The following FAM228B variants were observed in gnomAD, a reference collection of about 807,000 sequenced individuals.
FAM228B encodes the protein protein FAM228B.
Under a neutral mutation model 42.6 loss-of-function variants are expected in FAM228B, and 38 were observed. The observed-to-expected ratio is 0.89, with a 90% CI of 0.69 to 1.17. FAM228B has a LOEUF of 1.17. Ranked by LOEUF, FAM228B falls within the 50% of genes most tolerant of loss-of-function variation. The pLI is 0.00. For synonymous variants in FAM228B, 109 were observed against 122.3 expected (o/e 0.89, Z 0.72); for missense variants, 344 against 367.3 (o/e 0.94, Z 0.52).
upstream of FAM228B, chr2:24,122,407 G>A (rs766728615): frequency 1.3e-6 from 2 of 1,581,250 alleles, no homozygotes; most frequent in Non-Finnish European, 8.7e-7. Context: ...GTCCAAACTT[G>A]TTTTTTCTTA....
At chr2:24,156,173 A>C (rs988792723) in intron 7 of FAM228B, among the ~76,000 whole-genome samples, 1 of 152,222 alleles carries the variant, frequency 6.6e-6, no homozygotes, top group African/African-American at 2.4e-5. Flanking sequence ...AGTCAAATTC[A>C]ACCTATCCAA....
At chr2:24,086,409 A>G (rs1665253628) in intron 2 of FAM228B, among the ~76,000 whole-genome samples, 1 of 152,202 alleles carries the variant, frequency 6.6e-6, no homozygotes, top group African/African-American at 2.4e-5. Context: ...TATATTTTAT[A>G]AAATTTCAGG....
chr2:24,167,670 G>T lies in FAM228B; in HGVS notation c.*1G>T. ...GGGGCTGCTGAAGCTGGAGCTATAA[G>T]AAAGAAGAGGGAGGTAGATGTCTTC... On this transcript the variant is annotated 3_prime_UTR_variant, in exon 10 of 11. Transcript: ENST00000615575. 3.2e-6 allele frequency: 5 copies of T among 1,551,548 alleles called. No homozygotes were observed. Among genetic ancestry groups the T allele is most frequent in the Non-Finnish European group, 4.4e-6 (5 of 1,146,860 alleles).
intron 3 of FAM228B, among the ~76,000 whole-genome samples, chr2:24,108,386 C>T (rs1665733255): frequency 6.6e-6 from 1 of 152,090 alleles, no homozygotes; most frequent in South Asian, 2.1e-4. Context: ...TGGTACCATT[C>T]CAACAGAAAC....
chr2:24,148,549 A>G (rs1349555170), intron 7 of FAM228B, among the ~76,000 whole-genome samples: 5 of 152,136 alleles, frequency 3.3e-5, no homozygotes, highest in African/African-American at 1.2e-4. Context: ...GTATAGGAAT[A>G]GGAGTCTTGA....
chr2:24,119,435 G>T, upstream of FAM228B: 1 of 605,296 alleles, frequency 1.7e-6, no homozygotes. Context: ...TGTCCTTCCA[G>T]TGGCTATGTA....
intron 3 of FAM228B, among the ~76,000 whole-genome samples, chr2:24,115,796 C>A (rs1665896066): frequency 6.6e-6 from 1 of 151,300 alleles, no homozygotes; most frequent in South Asian, 2.1e-4. Context: ...TCATGGAGTT[C>A]ACTGTCTAGT....
At chr2:24,082,314 C>A (rs991153008) in intron 2 of FAM228B, among the ~76,000 whole-genome samples, 3 of 152,166 alleles carry the variant, frequency 2.0e-5, no homozygotes, top group African/African-American at 4.8e-5. Context: ...CTTGGCATGC[C>A]TTATGTCCTT....
At chr2:24,083,824 C>G (rs1447585728) in intron 2 of FAM228B, among the ~76,000 whole-genome samples, 2 of 152,268 alleles carry the variant, frequency 1.3e-5, no homozygotes, top group Non-Finnish European at 2.9e-5. Context: ...TTGCTAGTGT[C>G]ACGGCCTTGG....
chr2:24,155,691 C>T (rs1260039060), intron 7 of FAM228B, among the ~76,000 whole-genome samples: 3 of 151,490 alleles, frequency 2.0e-5, no homozygotes, highest in East Asian at 3.9e-4. Context: ...CAGGCATCCG[C>T]CACCACGCCC....
At chr2:24,160,226 G>C (rs1667255764) in intron 7 of FAM228B, among the ~76,000 whole-genome samples, 1 of 152,070 alleles carries the variant, frequency 6.6e-6, no homozygotes, top group Non-Finnish European at 1.5e-5. Context: ...CTGGACTCAA[G>C]CAGTTTACCC....
chr2:24,144,763 A>C (rs1190460818), intron 5 of FAM228B, among the ~76,000 whole-genome samples: 1 of 151,562 alleles, frequency 6.6e-6, no homozygotes, highest in African/African-American at 2.4e-5. Context: ...TGAAACATAC[A>C]CTCCCTAACT....
intron 2 of FAM228B, among the ~76,000 whole-genome samples, chr2:24,126,419 A>C (rs577380636): frequency 6.6e-6 from 1 of 152,238 alleles, no homozygotes; most frequent in South Asian, 2.1e-4. Context: ...TGTGGTTTTA[A>C]TTTGCATTTC....
chr2:24,134,408 C>T (rs2151017475), intron 2 of FAM228B, among the ~76,000 whole-genome samples: 1 of 152,324 alleles, frequency 6.6e-6, no homozygotes, highest in East Asian at 1.9e-4. Context: ...ATATTCTTAA[C>T]TAGTTCTGTA....
intron 7 of FAM228B, among the ~76,000 whole-genome samples, chr2:24,154,246 C>A (rs141725195): frequency 6.6e-6 from 1 of 152,180 alleles, no homozygotes. Flanking sequence ...TGTTCCAGTG[C>A]GGGGAATAAA....
chr2:24,087,109 A>C (rs1665275773), intron 2 of FAM228B, among the ~76,000 whole-genome samples: 1 of 152,310 alleles, frequency 6.6e-6, no homozygotes, highest in Non-Finnish European at 1.5e-5. Flanking sequence ...AAAGTGCCTA[A>C]GATTTTATCT....
At position 24,140,687 on chromosome 2, in the gene FAM228B, C is replaced by T. The variant is rs866983494; in HGVS notation, c.441+1237C>T. Among the ~76,000 whole-genome samples the T allele has an allele frequency of 7.2e-5, 11 of 151,838 alleles. No individual in the cohort carries two copies. The South Asian group carries it at 1.0e-3, about 14-fold the overall frequency. On this transcript the variant is annotated intron_variant, in intron 5 of 10. Transcript: ENST00000615575. ...CTAGAAAAATTTTATGGCAGCCGGG[C>T]GCAGTGGCTCATGCCTGTAATCCTA...
intron 2 of FAM228B, among the ~76,000 whole-genome samples, chr2:24,131,063 A>G (rs190617022): frequency 6.6e-6 from 1 of 152,200 alleles, no homozygotes; most frequent in East Asian, 1.9e-4. Flanking sequence ...CTTTTATTAA[A>G]GGAATTCTTT....
chr2:24,080,712 C>G lies in FAM228B; in HGVS notation c.-289-164C>G. ...ATTTGGCCAGGGCAGCTGTTGTGCA[C>G]TTAGCAGAGGTAAGACTGATACACA... On this transcript the variant is annotated intron_variant, in intron 1 of 10. Transcript: ENST00000613899. The surrounding 1 kb of genome is among the most constrained non-coding windows in gnomAD (Gnocchi z 4.7). 7.2e-7 allele frequency: 1 copy of G among 1,384,896 alleles called. No individual in the cohort carries two copies. The highest frequency in any genetic ancestry group is 2.3e-4 in the Middle Eastern group (1 of 4,400). 85.8% of individuals were successfully genotyped at this position (1,384,896 alleles called of 1,614,324 possible).
Sources: gnomAD v4.1 joint callset for allele counts (sites outside exome capture counted in the v4.1 genomes callset) on GRCh38, gnomAD v4.1.1 for gene constraint, Gnocchi (gnomAD v3.1) non-coding constraint, MANE v1.5 for transcripts, NCBI Gene and HGNC (gene_info 2026-07-23, HGNC 2026-07-21) for gene names.